The following TTC23 variants were observed in gnomAD, a reference collection of about 807,000 sequenced individuals.
TTC23 encodes the protein tetratricopeptide repeat protein 23.
In TTC23, 58 loss-of-function variants were observed where a neutral mutation model predicts 55.1. That is an observed-to-expected ratio of 1.05 (90% CI 0.85 to 1.31). The LOEUF is 1.31. TTC23 is among the 50% of genes most tolerant of loss of function. TTC23 has a pLI of 0.00. For missense variants in TTC23, 516 were observed against 534.4 expected, an observed-to-expected ratio of 0.97 and a Z score of 0.34; for synonymous variants, 203 against 199.9, an observed-to-expected ratio of 1.02 and a Z score of -0.13.
intron 9 of TTC23, among the ~76,000 whole-genome samples, chr15:99,184,874 C>T (rs2074516530): frequency 6.6e-6 from 1 of 152,126 alleles, no homozygotes; most frequent in African/African-American, 2.4e-5. Context: ...CCCACAATCC[C>T]CATATGTCAT....
chr15:99,230,149 CAAT>C (rs1424309880), intron 4 of TTC23, among the ~76,000 whole-genome samples: 1 of 151,886 alleles, frequency 6.6e-6, no homozygotes, highest in Non-Finnish European at 1.5e-5. Context: ...AAAACAATTA[CAAT>C]AATTGTATTC....
At chr15:99,139,623 T>G in intron 12 of TTC23, 1 of 1,517,666 alleles carries the variant, frequency 6.6e-7, no homozygotes, top group Non-Finnish European at 8.9e-7. Flanking sequence ...AAACTCTCTG[T>G]GACTATCTGT....
intron 8 of TTC23, among the ~76,000 whole-genome samples, chr15:99,213,723 T>C (rs2077224336): frequency 6.6e-6 from 1 of 152,258 alleles, no homozygotes; most frequent in Admixed American, 6.5e-5. Flanking sequence ...GAGCCATTCA[T>C]GCTGTTAAGC....
At chr15:99,236,073 A>G (rs1265616630) in intron 3 of TTC23, among the ~76,000 whole-genome samples, 2 of 152,186 alleles carry the variant, frequency 1.3e-5, no homozygotes, top group Non-Finnish European at 2.9e-5. Flanking sequence ...CCTTTTAGCT[A>G]TTGTGAATAA....
intron 3 of TTC23, among the ~76,000 whole-genome samples, chr15:99,236,896 G>A (rs1470564102): frequency 2.0e-5 from 3 of 150,946 alleles, no homozygotes; most frequent in Admixed American, 6.6e-5. Context: ...TTTTTATTTT[G>A]TTGCCTTGGC....
intron 9 of TTC23, among the ~76,000 whole-genome samples, chr15:99,183,857 C>A (rs1196198716): frequency 6.6e-6 from 1 of 152,158 alleles, no homozygotes; most frequent in Non-Finnish European, 1.5e-5. Context: ...ACCTTCACAG[C>A]AGCCCCCCTT....
At chr15:99,233,636 A>G (rs1338522413) in intron 4 of TTC23, among the ~76,000 whole-genome samples, 1 of 152,230 alleles carries the variant, frequency 6.6e-6, no homozygotes, top group Admixed American at 6.5e-5. Context: ...AGCTAACATC[A>G]GACTTAACAG....
chr15:99,166,416 C>A (rs1845358421), intron 10 of TTC23, among the ~76,000 whole-genome samples: 1 of 152,202 alleles, frequency 6.6e-6, no homozygotes, highest in Non-Finnish European at 1.5e-5. Context: ...TCAGTTCCAA[C>A]TAATGTGCAG....
chr15:99,150,592 AG>A (rs1555496382), intron 12 of TTC23, among the ~76,000 whole-genome samples: 1 of 152,288 alleles, frequency 6.6e-6, no homozygotes, highest in African/African-American at 2.4e-5. Flanking sequence ...AGTTCTATAT[AG>A]TTCTACTAAC....
intron 5 of TTC23, among the ~76,000 whole-genome samples, chr15:99,227,355 G>C (rs529510447): frequency 6.4e-4 from 98 of 152,264 alleles, no homozygotes; most frequent in Admixed American, 1.7e-3. Context: ...CCACTGATTT[G>C]CATTTCTAAA....
intron 10 of TTC23, among the ~76,000 whole-genome samples, chr15:99,168,137 T>C (rs539157969): frequency 2.0e-5 from 3 of 152,298 alleles, no homozygotes; most frequent in South Asian, 2.1e-4. Flanking sequence ...CACAGTGCCA[T>C]AGACAGGGGC....
chr15:99,190,508 C>G (rs1274940009), intron 9 of TTC23, among the ~76,000 whole-genome samples: 1 of 151,996 alleles, frequency 6.6e-6, no homozygotes, highest in Non-Finnish European at 1.5e-5. Flanking sequence ...TTGAACATAT[C>G]TTCAAATGAT....
chr15:99,223,283 C>A (rs1372176068), intron 5 of TTC23, among the ~76,000 whole-genome samples: 1 of 152,210 alleles, frequency 6.6e-6, no homozygotes, highest in South Asian at 2.1e-4. Context: ...CAATCCCCAG[C>A]ACCTTATAAT....
upstream of TTC23, chr15:99,249,903 T>C (rs1387627092): frequency 6.6e-6 from 1 of 152,134 alleles, no homozygotes; most frequent in East Asian, 1.9e-4. Flanking sequence ...GTAACTTTTG[T>C]GTCAATGTGG....
chr15:99,155,072 T>C (rs1206470263), intron 12 of TTC23, among the ~76,000 whole-genome samples: 6 of 152,212 alleles, frequency 3.9e-5, no homozygotes, highest in African/African-American at 1.2e-4. Context: ...GACTCAATGA[T>C]TGAATTAACT....
At chr15:99,243,831 T>C (rs1276330287) in intron 2 of TTC23, among the ~76,000 whole-genome samples, 2 of 152,050 alleles carry the variant, frequency 1.3e-5, no homozygotes, top group African/African-American at 4.8e-5. Context: ...GGGAAGGGTA[T>C]TGGGCAGGGA....
chr15:99,150,721 G>T (rs2069606654), intron 12 of TTC23, among the ~76,000 whole-genome samples: 1 of 152,154 alleles, frequency 6.6e-6, no homozygotes, highest in South Asian at 2.1e-4. Context: ...CGTTTAACTT[G>T]AGGGCCACAC....
chr15:99,169,776 G>A (rs8038732), intron 10 of TTC23, among the ~76,000 whole-genome samples: 66,927 of 152,058 alleles, frequency 0.44, 15,161 homozygotes, highest in Middle Eastern at 0.6. Flanking sequence ...CAGTGGGGGC[G>A]GGGGAGATAT....
At chr15:99,190,891 C>T (rs1436461909) in intron 9 of TTC23, among the ~76,000 whole-genome samples, 1 of 152,138 alleles carries the variant, frequency 6.6e-6, no homozygotes. Flanking sequence ...AAGCAATCCT[C>T]CCACCTCAGC....
Sources: gnomAD v4.1 joint callset for allele counts (sites outside exome capture counted in the v4.1 genomes callset) on GRCh38, gnomAD v4.1.1 for gene constraint, MANE v1.5 for transcripts, NCBI Gene and HGNC (gene_info 2026-07-23, HGNC 2026-07-21) for gene names.